The following NDUFA7 variants were observed in gnomAD, a reference collection of about 807,000 sequenced individuals.
The protein encoded by NDUFA7 is NADH:ubiquinone oxidoreductase subunit A7, also known as NADH dehydrogenase [ubiquinone] 1 alpha subcomplex subunit 7.
In NDUFA7, 18 loss-of-function variants were observed where a neutral mutation model predicts 14.2. The ratio of observed to expected loss-of-function variants is 1.27; its 90% CI spans 0.88 to 1.88. The LOEUF (loss-of-function observed/expected upper bound fraction) is 1.88, where lower values mean the gene tolerates loss of function less well. Among genes scored for constraint, NDUFA7 ranks in the 40% most tolerant of loss-of-function variants. The pLI is 0.00. For missense variants in NDUFA7, 172 were observed against 147.3 expected, an observed-to-expected ratio of 1.17 and a Z score of -0.87; for synonymous variants, 75 against 62.1, an observed-to-expected ratio of 1.21 and a Z score of -0.98.
intron 2 of NDUFA7, among the ~76,000 whole-genome samples, chr19:8,317,522 A>C (rs1011177551): frequency 2.6e-5 from 4 of 152,198 alleles, no homozygotes. Context: ...AAACAAAAAA[A>C]GCTCAAAACA....
At chr19:8,318,663 C>CAAAAA (rs35904087) in intron 2 of NDUFA7, among the ~76,000 whole-genome samples, 1 of 41,070 alleles carries the variant, frequency 2.4e-5, no homozygotes, top group Non-Finnish European at 4.7e-5. Context: ...CCCAGTCTTA[C>CAAAAA]AAAAAAAAAA....
chr19:8,316,746 C>T, intron 2 of NDUFA7, 101 bp from the exon 3 acceptor site: 1 of 1,423,900 alleles, frequency 7.0e-7, no homozygotes, highest in Non-Finnish European at 9.7e-7. Context: ...GGATCTACAG[C>T]CAGCCACTGG....
intron 3 of NDUFA7, among the ~76,000 whole-genome samples, chr19:8,313,451 C>T (rs1307582832): frequency 2.0e-5 from 3 of 151,098 alleles, no homozygotes; most frequent in Admixed American, 6.6e-5. Context: ...ACGATGGTCT[C>T]GATCTCCTGA....
At chr19:8,317,863 G>A (rs1213140346) in intron 2 of NDUFA7, among the ~76,000 whole-genome samples, 1 of 152,080 alleles carries the variant, frequency 6.6e-6, no homozygotes, top group African/African-American at 2.4e-5. Context: ...GTGGAGTCGG[G>A]GGTCTTGCTA....
chr19:8,309,793 G>C (rs1407293479), downstream of NDUFA7, among the ~76,000 whole-genome samples: 2 of 152,112 alleles, frequency 1.3e-5, no homozygotes, highest in East Asian at 3.9e-4. Context: ...GAAGGGTCTG[G>C]GGCTGTGCCC....
At chr19:8,318,750 G>C (rs1044832576) in intron 2 of NDUFA7, among the ~76,000 whole-genome samples, 10 of 147,070 alleles carry the variant, frequency 6.8e-5, no homozygotes, top group Non-Finnish European at 1.3e-4. Flanking sequence ...GAGGCGGGCA[G>C]ATCACGAGGT....
At position 8,311,336 on chromosome 19, in the gene NDUFA7, T is replaced by G; in HGVS notation, c.*169A>C. ...AGGAGGATCGCTTGAGGCCAGGAGTTCAAGATCAGCCTGGGAAACATGGTG... is the reference window on the plus strand; with the variant it reads ...AGGAGGATCGCTTGAGGCCAGGAGTGCAAGATCAGCCTGGGAAACATGGTG... On this transcript the variant is annotated 3_prime_UTR_variant, in exon 4 of 4. Transcript: ENST00000301457. The G allele has an allele frequency of 2.0e-6, 1 of 511,632 alleles. No individual in the cohort carries two copies. The highest frequency in any genetic ancestry group is 3.8e-5 in the Admixed American group (1 of 26,216). 31.7% of individuals were successfully genotyped at this position (511,632 alleles called of 1,614,324 possible). A position where few individuals can be genotyped will look rare whatever the true frequency, so the allele number is the denominator to read the frequency against.
intron 3 of NDUFA7, among the ~76,000 whole-genome samples, chr19:8,315,820 G>A (rs1970225989): frequency 6.6e-6 from 1 of 151,906 alleles, no homozygotes; most frequent in Non-Finnish European, 1.5e-5. Flanking sequence ...CTTCAGCCTG[G>A]GCGACGCAGG....
intron 2 of NDUFA7, among the ~76,000 whole-genome samples, chr19:8,320,492 C>T (rs1166078189): frequency 6.6e-6 from 1 of 152,138 alleles, no homozygotes; most frequent in Non-Finnish European, 1.5e-5. Flanking sequence ...GAAATCAGGA[C>T]ACTTCTGGGT....
chr19:8,311,687 A>C, intron 3 of NDUFA7, 92 bp from the exon 4 acceptor site: 1 of 1,064,538 alleles, frequency 9.4e-7, no homozygotes, highest in Non-Finnish European at 1.4e-6. Context: ...AAACACACCC[A>C]CAGGGACTTT....
intron 3 of NDUFA7, among the ~76,000 whole-genome samples, chr19:8,312,682 G>C (rs1314733517): frequency 6.6e-6 from 1 of 152,004 alleles, no homozygotes; most frequent in Admixed American, 6.6e-5. Flanking sequence ...TTATTTATGA[G>C]ACAGGGTCTC....
Position 8,311,523 on chromosome 19 carries a change from C to G in NDUFA7, c.324G>C (p.Ser108=), listed in dbSNP as rs200078460. ...APPIKRWELS[S]DQPYL ...TGCAGTGTCACAGGTAAGGCTGGTC[C>G]GAGGACAGCTCCCACCTCTTTATGG... Residue 108 remains serine, a synonymous_variant, in exon 4 of 4, where the codon TCG becomes TCC. Coordinates refer to ENST00000301457, the MANE Select transcript of NDUFA7 (RefSeq NM_005001.5). The G allele has an allele frequency of 1.2e-6, 2 of 1,611,372 alleles. No individual in the cohort carries two copies. The highest frequency in any genetic ancestry group is 1.7e-6 in the Non-Finnish European group (2 of 1,178,648).
intron 2 of NDUFA7, among the ~76,000 whole-genome samples, chr19:8,317,570 A>G (rs8107330): frequency 0.15 from 23,040 of 152,076 alleles, 3,829 homozygotes; most frequent in African/African-American, 0.42. Context: ...GAGAGAAGAC[A>G]GCAAAAACCG....
chr19:8,318,503 C>A (rs551943674), intron 2 of NDUFA7, among the ~76,000 whole-genome samples: 47 of 151,638 alleles, frequency 3.1e-4, no homozygotes, highest in African/African-American at 1.1e-3. Context: ...TGTCTCTATA[C>A]AAAAATTTAA....
intron 2 of NDUFA7, among the ~76,000 whole-genome samples, chr19:8,318,944 T>C (rs560971906): frequency 1.6e-4 from 24 of 148,406 alleles, no homozygotes; most frequent in African/African-American, 5.7e-4. Context: ...CACTCCAGCT[T>C]GGCGACAGAG....
At position 8,311,524 on chromosome 19, in the gene NDUFA7, G is replaced by A. The variant is rs376966949; in HGVS notation, c.323C>T (p.Ser108Leu). 46 of 1,611,466 alleles carry A rather than the reference G, an allele frequency of 2.9e-5. No homozygotes were observed. The highest frequency in any genetic ancestry group is 2.8e-4 in the African/African-American group (21 of 74,860). ...APPIKRWELS[S>L]DQPYL ...GCAGTGTCACAGGTAAGGCTGGTCC[G>A]AGGACAGCTCCCACCTCTTTATGGG... The change falls in exon 4 of 4, where the codon TCG (serine) becomes TTG (leucine). Residue 108 changes from serine (S) to leucine (L), a missense_variant. Transcript: ENST00000301457.
chr19:8,321,281 T>C (rs1446646422), intron 1 of NDUFA7, 27 bp downstream of exon 1: 1 of 1,537,432 alleles, frequency 6.5e-7, no homozygotes, highest in East Asian at 2.4e-5. Flanking sequence ...AAGCCCCCCA[T>C]GGTGCAGCCC....
intron 3 of NDUFA7, among the ~76,000 whole-genome samples, chr19:8,313,234 C>CTTT (rs1422481406): frequency 1.4e-5 from 2 of 140,828 alleles, no homozygotes; most frequent in African/African-American, 5.2e-5. Flanking sequence ...TCACAGAGTT[C>CTTT]TTTTTTTTTT....
chr19:8,316,468 T>C (rs1599631447), intron 3 of NDUFA7, 28 bp downstream of exon 3: 2 of 1,611,720 alleles, frequency 1.2e-6, no homozygotes, highest in South Asian at 2.2e-5. Flanking sequence ...GCATGGGGGC[T>C]GTGGTGAGCA....
Sources: allele counts gnomAD v4.1 joint callset (sites outside exome capture counted in the v4.1 genomes callset), GRCh38; gene constraint gnomAD v4.1.1; transcripts MANE v1.5; gene names NCBI Gene and HGNC (gene_info 2026-07-23, HGNC 2026-07-21).